The following NUMA1 variants were observed in gnomAD, a reference collection of about 807,000 sequenced individuals.
The protein encoded by NUMA1 is SP-H antigen.
In NUMA1, 62 loss-of-function variants were observed where a neutral mutation model predicts 237.1. The observed-to-expected ratio is 0.26, with a 90% CI of 0.21 to 0.32. The LOEUF is 0.32. Among genes scored for constraint, NUMA1 ranks in the 10% least tolerant of loss-of-function variants. The pLI, the probability that NUMA1 is intolerant of heterozygous loss-of-function variation, is 1.00. For synonymous variants in NUMA1, 1,028 were observed against 1,066.1 expected (o/e 0.96, Z 0.70); for missense variants, 2,533 against 2,666.5 (o/e 0.95, Z 1.10).
At chr11:72,056,225 A>G (rs12417471) in intron 2 of NUMA1, among the ~76,000 whole-genome samples, 140,960 of 152,070 alleles carry the variant, frequency 0.93, 65,574 homozygotes, top group Non-Finnish European at 0.98. Flanking sequence ...TCAGGAGGCT[A>G]AGGCAGGAGG....
At chr11:72,041,474 C>CT (rs1222580954) in intron 2 of NUMA1, 1 of 152,410 alleles carries the variant, frequency 6.6e-6, no homozygotes, top group East Asian at 1.9e-4. Context: ...TCCCCCTTCG[C>CT]TCTGTTTTCC....
chr11:72,013,990 T>A lies in NUMA1; in HGVS notation c.3513A>T (p.Leu1171Phe), dbSNP rs1456985580. 1 of 1,612,662 alleles carries A rather than the reference T, an allele frequency of 6.2e-7. No homozygotes were observed. The highest frequency in any genetic ancestry group is 1.7e-5 in the Admixed American group (1 of 60,016). Residue 1171 changes from leucine (L) to phenylalanine (F), a missense_variant, in exon 15 of 27, where the codon TTA becomes TTT. Physicochemically the swap from Leu to Phe is conservative, Grantham distance 22. Transcript: ENST00000393695. The surrounding 1 kb of genome is among the most constrained non-coding windows in gnomAD (Gnocchi z 6.8). ...GCCCTAGCTCCTGGGCCTTCTCCTCTAACTGGCCCTGCAGAGTCTCCAGAG... is the reference window on the plus strand; with the variant it reads ...GCCCTAGCTCCTGGGCCTTCTCCTCAAACTGGCCCTGCAGAGTCTCCAGAG... The part of the protein sequence containing the change: ...DSALETLQGQ[L>F]EEKAQELGHS...
intron 20 of NUMA1, chr11:72,007,904 G>A (rs1203962090): frequency 2.8e-6 from 1 of 353,224 alleles, no homozygotes; most frequent in South Asian, 2.2e-5. Context: ...TCCTTTCCCT[G>A]GTCTGCTTCA....
chr11:72,033,961 G>GTT (rs1215463416), intron 3 of NUMA1, among the ~76,000 whole-genome samples: 1 of 152,110 alleles, frequency 6.6e-6, no homozygotes, highest in East Asian at 1.9e-4. Context: ...TCTACAAAAA[G>GTT]TTTTTTAAAA....
At position 72,019,734 on chromosome 11, in the gene NUMA1, T is replaced by C. The variant is rs141050547; in HGVS notation, c.461-117A>G. The C allele has an allele frequency of 3.7e-3, 4,057 of 1,105,198 alleles. 18 individuals are homozygous for C. The highest frequency in any genetic ancestry group is 4.6e-3 in the Admixed American group (183 of 39,436). 68.5% of individuals were successfully genotyped at this position (1,105,198 alleles called of 1,614,324 possible). On this transcript the variant is annotated intron_variant, in intron 8 of 26. Coordinates refer to ENST00000393695, the MANE Select transcript of NUMA1 (RefSeq NM_006185.4). ...GTGGGAGTATATCCATGGATACTTATATGTAAACTACCAAGGAAGGCACTG... is the reference window on the plus strand; with the variant it reads ...GTGGGAGTATATCCATGGATACTTACATGTAAACTACCAAGGAAGGCACTG...
rs758818238 is a variant in NUMA1 at position 72,015,131 on chromosome 11, T to C, written c.2372A>G (p.Glu791Gly). ...AGCTGTGTGCTGGGCAGCCATGGCC[T>C]CTGCCAGCTCCCGCCGCAGGACTTC... ...ETEVLRRELA[E>G]AMAAQHTAES... is the part of the protein sequence containing the mutation. The change falls in exon 15 of 27, where the codon GAG (glutamate) becomes GGG (glycine). Residue 791 changes from glutamate (E) to glycine (G), a missense_variant. By Grantham distance (98) the Glu-to-Gly change is moderately conservative. Around this residue, in one of 3 missense-constraint regions of NUMA1, gnomAD observed 1,414 missense variants for 1,508.1 expected, o/e 0.94. Coordinates refer to ENST00000393695, the MANE Select transcript of NUMA1 (RefSeq NM_006185.4). The surrounding 1 kb of genome is among the most constrained non-coding windows in gnomAD (Gnocchi z 4.0). 8.1e-6 allele frequency: 13 copies of C among 1,613,358 alleles called. No homozygotes were observed. The highest frequency in any genetic ancestry group is 3.4e-6 in the Non-Finnish European group (4 of 1,180,042).
chr11:72,029,719 T>C (rs1940044886), intron 3 of NUMA1, among the ~76,000 whole-genome samples: 1 of 152,238 alleles, frequency 6.6e-6, no homozygotes, highest in South Asian at 2.1e-4. Context: ...GTTTACATTA[T>C]AAGTTTCTGT....
At chr11:72,004,467 C>G in intron 24 of NUMA1, 126 bp from the exon 25 acceptor site, 1 of 1,217,642 alleles carries the variant, frequency 8.2e-7, no homozygotes, top group Non-Finnish European at 1.2e-6. Flanking sequence ...CTTCCCAACT[C>G]TGGGCCAGAT....
At chr11:72,031,192 A>C (rs780773089) in intron 3 of NUMA1, among the ~76,000 whole-genome samples, 2 of 152,054 alleles carry the variant, frequency 1.3e-5, no homozygotes, top group Admixed American at 6.6e-5. Context: ...TCCTACCTAC[A>C]TAAGAGGCTG....
At chr11:72,019,683 T>TTC in intron 8 of NUMA1, 66 bp from the exon 9 acceptor site, 1 of 1,548,092 alleles carries the variant, frequency 6.5e-7, no homozygotes, top group Non-Finnish European at 8.8e-7. Flanking sequence ...GATTTGCACC[T>TTC]TTATGCAATT....
intron 1 of NUMA1, among the ~76,000 whole-genome samples, chr11:72,076,259 A>G (rs909182015): frequency 2.6e-5 from 4 of 152,170 alleles, no homozygotes; most frequent in Admixed American, 2.0e-4. Context: ...CTGTAGTCCC[A>G]GCTACTTGGG....
intron 2 of NUMA1, among the ~76,000 whole-genome samples, chr11:72,037,113 C>A (rs938619642): frequency 6.6e-6 from 1 of 152,170 alleles, no homozygotes; most frequent in Admixed American, 6.5e-5. Flanking sequence ...GAAAGAGATA[C>A]GAAAATCTGA....
At chr11:72,054,912 G>A (rs893714166) in intron 2 of NUMA1, among the ~76,000 whole-genome samples, 3 of 152,230 alleles carry the variant, frequency 2.0e-5, no homozygotes, top group African/African-American at 2.4e-5. Flanking sequence ...ACGCATTTGC[G>A]ATTGAAGTTT....
At chr11:72,007,775 G>GC (rs553730436) in intron 20 of NUMA1, 77 of 381,298 alleles carry the variant, frequency 2.0e-4, no homozygotes, top group South Asian at 1.3e-3. Flanking sequence ...GAATAGGAAC[G>GC]CCCCCCACTC....
rs1956481499 is a variant in NUMA1 at position 72,015,696 on chromosome 11, G to C, written c.1807C>G (p.Leu603Val). 1 of 1,614,012 alleles carries C rather than the reference G, an allele frequency of 6.2e-7. No individual in the cohort carries two copies. The highest frequency in any genetic ancestry group is 8.5e-7 in the Non-Finnish European group (1 of 1,180,030). ...TTCTCCAGTGCCTCCAGCTGCTTGA[G>C]AGCCGCATCCCGCTCCCTTAAGGAG... ...EASLRERDAALKQLEALEKEK... is the reference protein window; with the variant it reads ...EASLRERDAAVKQLEALEKEK... The change falls in exon 15 of 27, where the codon CTC becomes GTC. Residue 603 changes from leucine to valine, a missense_variant. Physicochemically the swap from Leu to Val is conservative, Grantham distance 32 (BLOSUM62 1). Coordinates refer to ENST00000393695, the MANE Select transcript of NUMA1 (RefSeq NM_006185.4). This position sits in a 1 kb window ranked among gnomAD's most constrained non-coding sequence, Gnocchi z 4.0.
At position 72,004,328 on chromosome 11, in the gene NUMA1, G is replaced by A. The variant is rs1180515257; in HGVS notation, c.6020C>T (p.Thr2007Ile). 6.2e-7 allele frequency: 1 copy of A among 1,612,988 alleles called. No individual in the cohort carries two copies. Among genetic ancestry groups the A allele is most frequent in the Non-Finnish European group, 8.5e-7 (1 of 1,179,734 alleles). Residue 2007 changes from threonine to isoleucine, a missense_variant, in exon 25 of 27, where the codon ACC becomes ATC. By Grantham distance (89) the Thr-to-Ile change is moderately conservative. Transcript: ENST00000393695. ...GPGTPESKKA[T>I]SCFPRPMTPR... ...AGTCATGGGGCGTGGGAAACAGCTG[G>A]TGGCCTTCTTAGACTATGGAGAAGA...
chr11:72,061,294 A>G (rs138599313), intron 2 of NUMA1, among the ~76,000 whole-genome samples: 1 of 152,306 alleles, frequency 6.6e-6, no homozygotes, highest in Non-Finnish European at 1.5e-5. Context: ...AATTGGCCAC[A>G]GCCAGAGCAT....
chr11:72,003,380 A>G lies in NUMA1; in HGVS notation c.*147T>C, dbSNP rs1955392271. On this transcript the variant is annotated 3_prime_UTR_variant, in exon 27 of 27. Transcript: ENST00000393695. Reference sequence around the variant, plus strand: ...CCAGTGAAGGACCAGGGACCAGGCCAGGGTGCGGGCAGGCATCACTGTCTC... The same window carrying G: ...CCAGTGAAGGACCAGGGACCAGGCCGGGGTGCGGGCAGGCATCACTGTCTC... The G allele has an allele frequency of 1.3e-6, 1 of 784,596 alleles. No homozygotes were observed. Among genetic ancestry groups the G allele is most frequent in the African/African-American group, 1.7e-5 (1 of 59,328 alleles). 48.6% of individuals were successfully genotyped at this position (784,596 alleles called of 1,614,324 possible).
chr11:72,077,370 A>G (rs1943758311), intron 1 of NUMA1, among the ~76,000 whole-genome samples: 1 of 152,230 alleles, frequency 6.6e-6, no homozygotes, highest in Non-Finnish European at 1.5e-5. Context: ...ACAAACAGAA[A>G]GAAAGACAGG....
Sources: gnomAD v4.1 joint callset for allele counts (sites outside exome capture counted in the v4.1 genomes callset) on GRCh38, gnomAD v4.1.1 for gene constraint, gnomAD v4.1.1 regional missense constraint, Gnocchi (gnomAD v3.1) non-coding constraint, MANE v1.5 for transcripts, NCBI Gene and HGNC (gene_info 2026-07-23, HGNC 2026-07-21) for gene names.